Variants in GJC2 observed in about 807,000 individuals in gnomAD.
GJC2 encodes the protein gap junction protein gamma 2.
For missense variants in GJC2, 647 were observed against 648.9 expected, an observed-to-expected ratio of 1.00 and a Z score of 0.03; for synonymous variants, 336 against 307.5, an observed-to-expected ratio of 1.09 and a Z score of -0.97.
In GJC2 at chr1:228,154,470, G is replaced by A. The variant is rs755758804; in HGVS notation, c.-19-3270G>A. On this transcript the variant is annotated intron_variant, in intron 1 of 1. Coordinates refer to ENST00000366714, the MANE Select transcript of GJC2 (RefSeq NM_020435.4). Reference sequence around the variant, plus strand: ...CGATGCTTGTGATGACACCTTGGCCGCCTGGCCAGGGTTGGTGTAGGAGGC... The same window carrying A: ...CGATGCTTGTGATGACACCTTGGCCACCTGGCCAGGGTTGGTGTAGGAGGC... Among the ~76,000 whole-genome samples, 68 of 152,176 alleles carry A rather than the reference G, an allele frequency of 4.5e-4. 1 individual carries two copies. The highest frequency in any genetic ancestry group is 2.0e-4 in the Admixed American group (3 of 15,276).
At chr1:228,157,372 CTGGGGAG>C in intron 1 of GJC2, among the ~76,000 whole-genome samples, 1 of 152,002 alleles carries the variant, frequency 6.6e-6, no homozygotes, top group Non-Finnish European at 1.5e-5. Flanking sequence ...GCTAGGCAGG[CTGGGGAG>C]ACCCTTTGGA....
Position 228,153,767 on chromosome 1 carries a change from G to C in GJC2, c.-20+3760G>C, listed in dbSNP as rs1038733311. Among the ~76,000 whole-genome samples the C allele has an allele frequency of 3.3e-5, 5 of 151,816 alleles. No individual in the cohort carries two copies. The East Asian group carries it at 9.8e-4, about 30-fold the overall frequency. ...CCGGCTAATTTTTGTATTTATAGTAGAGATGGGGTTTCACCATATTGGCCA... is the reference window on the plus strand; with the variant it reads ...CCGGCTAATTTTTGTATTTATAGTACAGATGGGGTTTCACCATATTGGCCA... On this transcript the variant is annotated intron_variant, in intron 1 of 1. Coordinates refer to ENST00000366714, the MANE Select transcript of GJC2 (RefSeq NM_020435.4).
Position 228,158,908 on chromosome 1 carries a change from C to G in GJC2, c.1150C>G (p.Pro384Ala), listed in dbSNP as rs535282333. 2.0e-6 allele frequency: 3 copies of G among 1,488,818 alleles called. No homozygotes were observed. Among genetic ancestry groups the G allele is most frequent in the Non-Finnish European group, 2.7e-6 (3 of 1,128,124 alleles). 92.2% of individuals were successfully genotyped at this position (1,488,818 alleles called of 1,614,324 possible). ...CVGLPAASRG[P>A]PRAGAPASRT... Reference sequence around the variant, plus strand: ...CGGCCTCCCTGCGGCCTCCCGGGGGCCCCCCAGAGCAGGCGCCCCCGCGTC... The same window carrying G: ...CGGCCTCCCTGCGGCCTCCCGGGGGGCCCCCAGAGCAGGCGCCCCCGCGTC... Residue 384 changes from proline to alanine, a missense_variant, in exon 2 of 2, where the codon CCC becomes GCC. By Grantham distance (27) the Pro-to-Ala change is conservative. Transcript: ENST00000366714. The surrounding 1 kb of genome is among the most constrained non-coding windows in gnomAD (Gnocchi z 8.3).
chr1:228,158,632 G>A lies in GJC2; in HGVS notation c.874G>A (p.Gly292Ser). The A allele has an allele frequency of 6.2e-7, 1 of 1,607,366 alleles. No homozygotes were observed. The highest frequency in any genetic ancestry group is 8.5e-7 in the Non-Finnish European group (1 of 1,177,664). ...NLCEMAHLGL[G>S]SAQDAVRGRR... Reference sequence around the variant, plus strand: ...CTGTGAGATGGCCCACCTGGGCTTGGGCAGCGCGCAGGACGCGGTGCGCGG... The same window carrying A: ...CTGTGAGATGGCCCACCTGGGCTTGAGCAGCGCGCAGGACGCGGTGCGCGG... The change falls in exon 2 of 2, where the codon GGC (glycine) becomes AGC (serine). Residue 292 changes from glycine to serine, a missense_variant. Transcript: ENST00000366714. The surrounding 1 kb of genome is among the most constrained non-coding windows in gnomAD (Gnocchi z 8.3).
Position 228,157,921 on chromosome 1 carries a change from A to G in GJC2, c.163A>G (p.Thr55Ala). 1 of 1,612,748 alleles carries G rather than the reference A, an allele frequency of 6.2e-7. No homozygotes were observed. The highest frequency in any genetic ancestry group is 8.5e-7 in the Non-Finnish European group (1 of 1,179,848). Residue 55 changes from threonine to alanine, a missense_variant, in exon 2 of 2, where the codon ACT (threonine) becomes GCT (alanine). Physicochemically the swap from Thr to Ala is moderately conservative, Grantham distance 58. Transcript: ENST00000366714. ...CTACTCGGACGAGCAGGCCAAGTTC[A>G]CTTGCAACACGCGGCAGCCAGGCTG... ...AIYSDEQAKF[T>A]CNTRQPGCDN...
At position 228,152,160 on chromosome 1, in the gene GJC2, A is replaced by G. The variant is rs986976948; in HGVS notation, c.-20+2153A>G. Among the ~76,000 whole-genome samples, 35 of 151,980 alleles carry G rather than the reference A, an allele frequency of 2.3e-4. No individual in the cohort carries two copies. Among genetic ancestry groups the G allele is most frequent in the African/African-American group, 8.5e-4 (35 of 41,346 alleles). ...ACTGTGAGTGGACAAGCGACAGCACAGTGCCTGCCATGCGCTGGGGTACCA... is the reference window on the plus strand; with the variant it reads ...ACTGTGAGTGGACAAGCGACAGCACGGTGCCTGCCATGCGCTGGGGTACCA... On this transcript the variant is annotated intron_variant, in intron 1 of 1. Transcript: ENST00000366714. This position sits in a 1 kb window ranked among gnomAD's most constrained non-coding sequence, Gnocchi z 7.3.
rs1194224756 is a variant in GJC2, at chr1:228,158,767, G to A, written c.1009G>A (p.Val337Met). Residue 337 changes from valine to methionine, a missense_variant, in exon 2 of 2, where the codon GTG becomes ATG. Physicochemically the swap from Val to Met is conservative, Grantham distance 21. Transcript: ENST00000366714. The surrounding 1 kb of genome is among the most constrained non-coding windows in gnomAD (Gnocchi z 8.3). The stretch of plus-strand genomic sequence containing the variant: ...CTGCCCGCCCGACTACAGCCTGGTG[G>A]TGCGGGCGGCCGAGCGCGCTCGGGC... The part of the protein sequence containing the change: ...LACPPDYSLV[V>M]RAAERARAHD... The A allele has an allele frequency of 7.1e-7, 1 of 1,399,642 alleles. No individual in the cohort carries two copies. Among genetic ancestry groups the A allele is most frequent in the Non-Finnish European group, 9.3e-7 (1 of 1,077,042 alleles). 86.7% of individuals were successfully genotyped at this position (1,399,642 alleles called of 1,614,324 possible).
rs1442494886 is a variant in GJC2, at chr1:228,151,131, C to T, written c.-20+1124C>T. Among the ~76,000 whole-genome samples, 1 of 152,132 alleles carries T rather than the reference C, an allele frequency of 6.6e-6. No individual in the cohort carries two copies. The highest frequency in any genetic ancestry group is 1.5e-5 in the Non-Finnish European group (1 of 68,012). On this transcript the variant is annotated intron_variant, in intron 1 of 1. Coordinates refer to ENST00000366714, the MANE Select transcript of GJC2 (RefSeq NM_020435.4). This position sits in a 1 kb window ranked among gnomAD's most constrained non-coding sequence, Gnocchi z 5.4. ...AGGGAGGGAACTCAAGAACAGGCTG[C>T]AGGAGGGGCCCACGCATTCACAGCG...
chr1:228,158,888 TCCCTGCGGCCTCCCGGGGGCCC>T lies in GJC2; in HGVS notation c.1134_1155del (p.Ala379GlufsTer85). On this transcript the variant is annotated frameshift_variant, in exon 2 of 2. Coordinates refer to ENST00000366714, the MANE Select transcript of GJC2 (RefSeq NM_020435.4). LOFTEE classifies it low-confidence loss of function (END_TRUNC). The surrounding 1 kb of genome is among the most constrained non-coding windows in gnomAD (Gnocchi z 8.3). ...CGGGACAGTTCGCCGTGCGTCGGCC[TCCCTGCGGCCTCCCGGGGGCCC>T]CCCAGAGCAGGCGCCCCCGCGTCCC... 6.7e-7 allele frequency: 1 copy of T among 1,488,282 alleles called. No homozygotes were observed. Among genetic ancestry groups the T allele is most frequent in the Non-Finnish European group, 8.9e-7 (1 of 1,127,964 alleles). 92.2% of individuals were successfully genotyped at this position (1,488,282 alleles called of 1,614,324 possible).
chr1:228,154,594 A>C (rs997182999), intron 1 of GJC2, among the ~76,000 whole-genome samples: 35 of 152,160 alleles, frequency 2.3e-4, no homozygotes, highest in African/African-American at 8.4e-4. Context: ...GCTCCCCTCC[A>C]GTACAGAGTG....
Position 228,158,765 on chromosome 1 carries a change from T to G in GJC2, c.1007T>G (p.Val336Gly), listed in dbSNP as rs2034726811. 3 of 1,397,816 alleles carry G rather than the reference T, an allele frequency of 2.1e-6. No individual in the cohort carries two copies. The highest frequency in any genetic ancestry group is 1.9e-6 in the Non-Finnish European group (2 of 1,075,878). The allele number at this position is 1,397,816 out of a possible 1,614,324, so 86.6% of individuals were successfully genotyped here. ...GLACPPDYSL[V>G]VRAAERARAH... ...GCCTGCCCGCCCGACTACAGCCTGGTGGTGCGGGCGGCCGAGCGCGCTCGG... is the reference window on the plus strand; with the variant it reads ...GCCTGCCCGCCCGACTACAGCCTGGGGGTGCGGGCGGCCGAGCGCGCTCGG... The change falls in exon 2 of 2, where the codon GTG becomes GGG. Residue 336 changes from valine to glycine, a missense_variant. Transcript: ENST00000366714. This position sits in a 1 kb window ranked among gnomAD's most constrained non-coding sequence, Gnocchi z 8.3.
chr1:228,157,953 C>T lies in GJC2; in HGVS notation c.195C>T (p.Asn65=). The T allele has an allele frequency of 6.2e-6, 10 of 1,612,728 alleles. No homozygotes were observed. Among genetic ancestry groups the T allele is most frequent in the Non-Finnish European group, 8.5e-6 (10 of 1,179,840 alleles). Residue 65 remains asparagine, a synonymous_variant, in exon 2 of 2, where the codon AAC becomes AAT. Coordinates refer to ENST00000366714, the MANE Select transcript of GJC2 (RefSeq NM_020435.4). ...ACACGCGGCAGCCAGGCTGCGACAA[C>T]GTCTGCTATGACGCCTTCGCGCCCC... ...TCNTRQPGCD[N]VCYDAFAPLS...
Position 228,150,490 on chromosome 1 carries a change from A to G in GJC2, c.-20+483A>G, listed in dbSNP as rs1207720979. On this transcript the variant is annotated intron_variant, in intron 1 of 1. Coordinates refer to ENST00000366714, the MANE Select transcript of GJC2 (RefSeq NM_020435.4). This position sits in a 1 kb window ranked among gnomAD's most constrained non-coding sequence, Gnocchi z 4.6. ...TGGGGCCCTGCTCAGTCCCCTCCATAGAAGGCCACAAGCCACTAAGTTTGC... is the reference window on the plus strand; with the variant it reads ...TGGGGCCCTGCTCAGTCCCCTCCATGGAAGGCCACAAGCCACTAAGTTTGC... Among the ~76,000 whole-genome samples the G allele has an allele frequency of 2.0e-5, 3 of 152,262 alleles. No homozygotes were observed. In the East Asian group the frequency reaches 5.8e-4, roughly 29 times the overall value.
rs947768933 is a variant in GJC2 at position 228,150,180 on chromosome 1, G to C, written c.-20+173G>C. On this transcript the variant is annotated intron_variant, in intron 1 of 1. Transcript: ENST00000366714. The surrounding 1 kb of genome is among the most constrained non-coding windows in gnomAD (Gnocchi z 4.6). ...CTGCCACCCCCTCCTGGGCTCCGCT[G>C]CTCCACGCAGATGGTGGGGTGGCCC... is the stretch of plus-strand genomic sequence containing the variant. Among the ~76,000 whole-genome samples, 1 of 152,166 alleles carries C rather than the reference G, an allele frequency of 6.6e-6. No individual in the cohort carries two copies.
At chr1:228,155,100 T>C (rs2034663412) in intron 1 of GJC2, among the ~76,000 whole-genome samples, 1 of 152,214 alleles carries the variant, frequency 6.6e-6, no homozygotes, top group Non-Finnish European at 1.5e-5. Context: ...GCTGTGATCG[T>C]CATCACATGG....
rs953849016 is a variant in GJC2 at position 228,159,146 on chromosome 1, C to G, written c.*68C>G. 57 of 1,549,518 alleles carry G rather than the reference C, an allele frequency of 3.7e-5. No homozygotes were observed. The Middle Eastern group carries it at 7.0e-4, about 19-fold the overall frequency. ...GGGGCTCCGGTGGAAACCTGCGACCCCTTCTCCTCAGCCTTCTCCTTAGCC... is the reference window on the plus strand; with the variant it reads ...GGGGCTCCGGTGGAAACCTGCGACCGCTTCTCCTCAGCCTTCTCCTTAGCC... On this transcript the variant is annotated 3_prime_UTR_variant, in exon 2 of 2. Transcript: ENST00000366714. The surrounding 1 kb of genome is among the most constrained non-coding windows in gnomAD (Gnocchi z 4.0).
In GJC2 at chr1:228,159,490, T is replaced by G; in HGVS notation, c.*412T>G. ...GGGGGTGCGGGGGTGCGTGTCCCCA[T>G]TCCCTGCAACAGCAAATGGGGCTCC... On this transcript the variant is annotated 3_prime_UTR_variant, in exon 2 of 2. Transcript: ENST00000366714. This position sits in a 1 kb window ranked among gnomAD's most constrained non-coding sequence, Gnocchi z 4.0. The G allele has an allele frequency of 2.1e-5, 4 of 194,442 alleles. No homozygotes were observed. The highest frequency in any genetic ancestry group is 3.5e-5 in the Non-Finnish European group (3 of 85,022). The allele number at this position is 194,442 out of a possible 1,614,324, so 12.0% of individuals were successfully genotyped here. A position where few individuals can be genotyped will look rare whatever the true frequency, so the allele number is the denominator to read the frequency against.
rs565229564 is a variant in GJC2 at position 228,154,576 on chromosome 1, G to T, written c.-19-3164G>T. ...CAGGTGCAGCCCACAGGTAGGGATG[G>T]GGGTCATGCTCCCCTCCAGTACAGA... On this transcript the variant is annotated intron_variant, in intron 1 of 1. Transcript: ENST00000366714. 1.4e-3 allele frequency among the ~76,000 whole-genome samples: 217 copies of T among 152,230 alleles called. 2 individuals are homozygous for T. Among genetic ancestry groups the T allele is most frequent in the Non-Finnish European group, 1.0e-3 (69 of 68,018 alleles).
At position 228,157,740 on chromosome 1, in the gene GJC2, G is replaced by GAGC; in HGVS notation, c.-18_-17insGCA. ...GGCTGACCCCTACCCCGCCCCACAG[G>GAGC]ACCCGCCCGCCCGCCCCTATGACCA... On this transcript the variant is annotated splice_region_variant and 5_prime_UTR_variant, in exon 2 of 2. Coordinates refer to ENST00000366714, the MANE Select transcript of GJC2 (RefSeq NM_020435.4). 2 of 662,262 alleles carry GAGC rather than the reference G, an allele frequency of 3.0e-6. No individual in the cohort carries two copies. Among genetic ancestry groups the GAGC allele is most frequent in the South Asian group, 1.7e-5 (1 of 57,382 alleles). 41.0% of individuals were successfully genotyped at this position (662,262 alleles called of 1,614,324 possible). A position where few individuals can be genotyped will look rare whatever the true frequency, so the allele number is the denominator to read the frequency against.
Sources: allele counts gnomAD v4.1 joint callset (sites outside exome capture counted in the v4.1 genomes callset), GRCh38; gene constraint gnomAD v4.1.1; non-coding constraint Gnocchi (gnomAD v3.1); transcripts MANE v1.5; gene names NCBI Gene and HGNC (gene_info 2026-07-23, HGNC 2026-07-21).